Variants in LRCH1 observed in about 807,000 individuals in gnomAD.
LRCH1 encodes the protein leucine rich repeats and calponin homology domain containing 1, also known as leucine-rich repeat and calponin homology domain-containing protein 1.
Under a neutral mutation model 94.9 loss-of-function variants are expected in LRCH1, and 23 were observed. That is an observed-to-expected ratio of 0.24 (90% confidence interval 0.17 to 0.34). LRCH1 has a LOEUF of 0.34. Ranked by LOEUF, LRCH1 falls within the 10% of genes least tolerant of loss-of-function variation. The probability of loss-of-function intolerance (pLI) is 1.00; values close to 1 mark genes in which losing one functional copy is unlikely to be tolerated. For missense variants in LRCH1, 790 were observed against 945.9 expected (o/e 0.84, Z 2.16); for synonymous variants, 364 against 354.9 (o/e 1.03, Z -0.29).
At position 46,676,871 on chromosome 13, in the gene LRCH1, G is replaced by A. The variant is rs1031685506; in HGVS notation, c.580-4870G>A. Among the ~76,000 whole-genome samples the A allele has an allele frequency of 9.2e-5, 14 of 152,166 alleles. No homozygotes were observed. In the South Asian group the frequency reaches 1.2e-3, roughly 14 times the overall value. ...CAGCTCACTGCAGCCTTGACCTCTC[G>A]GGCTCAAGCAATCCTCCCACCTTAG... On this transcript the variant is annotated intron_variant, in intron 3 of 19. Transcript: ENST00000389797.
chr13:46,575,442 G>A (rs548396724), intron 1 of LRCH1, among the ~76,000 whole-genome samples: 5 of 152,062 alleles, frequency 3.3e-5, no homozygotes, highest in African/African-American at 1.2e-4. Flanking sequence ...CATGTGCTGT[G>A]CACACAAATG....
At chr13:46,633,840 C>G (rs2051047961) in intron 1 of LRCH1, among the ~76,000 whole-genome samples, 1 of 151,430 alleles carries the variant, frequency 6.6e-6, no homozygotes, top group East Asian at 1.9e-4. Flanking sequence ...TGACTCTCCT[C>G]TCTCCCACCA....
At chr13:46,560,780 G>A (rs774218827) in intron 1 of LRCH1, among the ~76,000 whole-genome samples, 3 of 152,126 alleles carry the variant, frequency 2.0e-5, no homozygotes, top group African/African-American at 4.8e-5. Flanking sequence ...GGAAAACTAG[G>A]CATTCTAATA....
At position 46,689,193 on chromosome 13, in the gene LRCH1, C is replaced by T. The variant is rs775756764; in HGVS notation, c.1011C>T (p.Thr337=). Reference sequence around the variant, plus strand: ...ATGGAGATAAGCGATTATCTGCCACCGAGGTAAAGTTAGTGATCAGATTCT... The same window carrying T: ...ATGGAGATAAGCGATTATCTGCCACTGAGGTAAAGTTAGTGATCAGATTCT... ...SDNGDKRLSA[T]EPSDEDTVSL... The change falls in exon 7 of 20, where the codon ACC becomes ACT. Residue 337 remains threonine, a synonymous_variant. Transcript: ENST00000389797. 8.1e-6 allele frequency: 13 copies of T among 1,609,992 alleles called. No homozygotes were observed. Among genetic ancestry groups the T allele is most frequent in the East Asian group, 6.7e-5 (3 of 44,706 alleles).
At chr13:46,736,958 C>T (rs557269286) in intron 19 of LRCH1, among the ~76,000 whole-genome samples, 32 of 152,220 alleles carry the variant, frequency 2.1e-4, no homozygotes, top group African/African-American at 7.5e-4. Context: ...TTTTCACATT[C>T]ATATAGATGG....
In LRCH1 at chr13:46,715,714, C is replaced by T. The variant is rs190467271; in HGVS notation, c.1759+50C>T. On this transcript the variant is annotated intron_variant, in intron 16 of 19. Coordinates refer to ENST00000389797, the MANE Select transcript of LRCH1 (RefSeq NM_001164211.2). ...CAATGTTCTCATTAATAAGCCAATG[C>T]GTATACTGAACATTCATCTCTGTGC... is the stretch of plus-strand genomic sequence containing the variant. 1.1e-4 allele frequency: 119 copies of T among 1,064,730 alleles called. No individual in the cohort carries two copies. In the African/African-American group the frequency reaches 1.3e-3, roughly 11 times the overall value. 66.0% of individuals were successfully genotyped at this position (1,064,730 alleles called of 1,614,324 possible).
chr13:46,661,984 A>C (rs765140499), intron 2 of LRCH1, among the ~76,000 whole-genome samples: 1 of 152,140 alleles, frequency 6.6e-6, no homozygotes, highest in African/African-American at 2.4e-5. Context: ...GAGTTGAGGC[A>C]GGCGGATCAC....
intron 2 of LRCH1, among the ~76,000 whole-genome samples, chr13:46,660,327 G>GT (rs1176377122): frequency 1.3e-5 from 2 of 151,686 alleles, no homozygotes; most frequent in East Asian, 3.9e-4. Flanking sequence ...GAGTCAATAA[G>GT]TTTTTTTAAC....
intron 14 of LRCH1, 152 bp from the exon 15 acceptor site, chr13:46,712,373 A>C (rs953482053): frequency 1.6e-6 from 1 of 629,818 alleles, no homozygotes; most frequent in East Asian, 2.6e-5. Flanking sequence ...ACATCTTTAC[A>C]AAGTGATTTT....
chr13:46,712,514 C>T lies in LRCH1; in HGVS notation c.1582-11C>T, dbSNP rs746684406. 6.2e-7 allele frequency: 1 copy of T among 1,606,812 alleles called. No individual in the cohort carries two copies. Among genetic ancestry groups the T allele is most frequent in the Non-Finnish European group, 8.5e-7 (1 of 1,173,982 alleles). ...TTTTTTTCCTAATTTCCTTTCCTTCCAACACCACAGATTAGAGAGAACTCC... is the reference window on the plus strand; with the variant it reads ...TTTTTTTCCTAATTTCCTTTCCTTCTAACACCACAGATTAGAGAGAACTCC... On this transcript the variant is annotated splice_polypyrimidine_tract_variant and intron_variant, in intron 14 of 19. Coordinates refer to ENST00000389797, the MANE Select transcript of LRCH1 (RefSeq NM_001164211.2).
chr13:46,653,549 G>A (rs564962425), intron 2 of LRCH1, among the ~76,000 whole-genome samples: 2 of 152,276 alleles, frequency 1.3e-5, no homozygotes, highest in African/African-American at 4.8e-5. Flanking sequence ...AGTAGGCTGG[G>A]CTTGGTGGCT....
intron 2 of LRCH1, among the ~76,000 whole-genome samples, chr13:46,656,788 TATTGTGCCTGTAAA>T (rs1369978535): frequency 6.6e-6 from 1 of 152,220 alleles, no homozygotes; most frequent in African/African-American, 2.4e-5. Flanking sequence ...GTTTATAAAT[TATTGTGCCTGTAAA>T]ATTATGTCCA....
At chr13:46,656,674 C>G (rs769648458) in intron 2 of LRCH1, among the ~76,000 whole-genome samples, 1 of 152,224 alleles carries the variant, frequency 6.6e-6, no homozygotes, top group Non-Finnish European at 1.5e-5. Flanking sequence ...AGTGCATACG[C>G]ACGGCCAACC....
chr13:46,556,704 C>T (rs921218554), intron 1 of LRCH1, among the ~76,000 whole-genome samples: 2 of 152,086 alleles, frequency 1.3e-5, no homozygotes, highest in African/African-American at 4.8e-5. Flanking sequence ...GATGGTCAAC[C>T]GGTGATTGGA....
rs1353497846 is a variant in LRCH1 at position 46,553,568 on chromosome 13, C to T, written c.172C>T (p.Pro58Ser). The T allele has an allele frequency of 6.5e-6, 10 of 1,549,610 alleles. No individual in the cohort carries two copies. The highest frequency in any genetic ancestry group is 8.7e-6 in the Non-Finnish European group (10 of 1,146,620). The part of the protein sequence containing the change: ...GGGGSGGFNL[P>S]LNRGLERALE... ...CGGTGGCAGCGGGGGCTTCAACCTG[C>T]CCTTGAACCGGGGTCTGGAGCGCGC... is the stretch of plus-strand genomic sequence containing the variant. Residue 58 changes from proline to serine, a missense_variant, in exon 1 of 20, where the codon CCC (proline) becomes TCC (serine). By Grantham distance (74) the Pro-to-Ser change is moderately conservative. This residue lies in a region of LRCH1 where 136 missense variants were observed against 143.5 expected (regional missense o/e 0.95). Transcript: ENST00000389797.
intron 1 of LRCH1, among the ~76,000 whole-genome samples, chr13:46,617,567 G>A (rs865992761): frequency 1.3e-5 from 2 of 152,162 alleles, no homozygotes; most frequent in South Asian, 2.1e-4. Context: ...CAAGGTTCTC[G>A]CAGGGGCTCG....
intron 13 of LRCH1, among the ~76,000 whole-genome samples, chr13:46,708,055 A>C (rs934577847): frequency 6.6e-6 from 1 of 152,212 alleles, no homozygotes. Context: ...TAGTGGCAGC[A>C]CTAAGTCTTG....
At chr13:46,650,753 G>A (rs2051284849) in intron 2 of LRCH1, among the ~76,000 whole-genome samples, 1 of 150,830 alleles carries the variant, frequency 6.6e-6, no homozygotes, top group African/African-American at 2.4e-5. Flanking sequence ...GAGAAAGCCT[G>A]GGTGATCTTT....
intron 1 of LRCH1, among the ~76,000 whole-genome samples, chr13:46,584,240 T>C (rs1422567350): frequency 6.6e-6 from 1 of 152,154 alleles, no homozygotes; most frequent in Non-Finnish European, 1.5e-5. Context: ...TTTACATATA[T>C]AGCTCCATTG....
Sources: gnomAD v4.1 joint callset for allele counts (sites outside exome capture counted in the v4.1 genomes callset) on GRCh38, gnomAD v4.1.1 for gene constraint, gnomAD v4.1.1 regional missense constraint, MANE v1.5 for transcripts, NCBI Gene and HGNC (gene_info 2026-07-23, HGNC 2026-07-21) for gene names.